LOC400499: variants seen among roughly 807,000 people sequenced by gnomAD.
chr16:11,427,934 G>A, the LOC400499 span, among the ~76,000 whole-genome samples: 1 of 152,120 alleles, frequency 6.6e-6, no homozygotes, highest in Non-Finnish European at 1.5e-5. Context: ...CAGCATAGAT[G>A]GATGTGTTAC....
At chr16:11,463,655 A>C in the LOC400499 span, among the ~76,000 whole-genome samples, 1 of 152,166 alleles carries the variant, frequency 6.6e-6, no homozygotes, top group Non-Finnish European at 1.5e-5. Context: ...GATTGTGTGA[A>C]TATGGATGTG....
chr16:11,399,585 C>T, the LOC400499 span: 37 of 398,746 alleles, frequency 9.3e-5, no homozygotes, highest in South Asian at 3.8e-3. Flanking sequence ...CTGTTCAGGC[C>T]CCAGGTTTCC....
the LOC400499 span, among the ~76,000 whole-genome samples, chr16:11,452,492 G>A: frequency 1.3e-4 from 20 of 152,160 alleles, no homozygotes; most frequent in Non-Finnish European, 2.6e-4. Context: ...CTGGGTACCC[G>A]AGGATCCTGC....
chr16:11,471,716 G>A, the LOC400499 span: 11 of 399,140 alleles, frequency 2.8e-5, no homozygotes, highest in African/African-American at 4.1e-5. Flanking sequence ...TCCCGTTTCT[G>A]CAGCGTCACG....
At chr16:11,425,482 G>T in the LOC400499 span, 1 of 399,028 alleles carries the variant, frequency 2.5e-6, no homozygotes, top group Non-Finnish European at 4.4e-6. Context: ...TCAGGGAAAT[G>T]AGCTGCTTTG....
the LOC400499 span, among the ~76,000 whole-genome samples, chr16:11,422,090 C>T: frequency 6.6e-6 from 1 of 152,204 alleles, no homozygotes; most frequent in African/African-American, 2.4e-5. Flanking sequence ...ACCCAATGCA[C>T]ACAGGTTTAT....
chr16:11,509,569 G>A, the LOC400499 span, among the ~76,000 whole-genome samples: 1 of 150,968 alleles, frequency 6.6e-6, no homozygotes, highest in Non-Finnish European at 1.5e-5. Flanking sequence ...AGAGGCTCAT[G>A]CCTGTAATCC....
At chr16:11,380,706 A>AAAAT in the LOC400499 span, among the ~76,000 whole-genome samples, 3 of 151,810 alleles carry the variant, frequency 2.0e-5, no homozygotes, top group East Asian at 5.8e-4. Flanking sequence ...TTGATTTAAA[A>AAAAT]AAATAAACCC....
the LOC400499 span, among the ~76,000 whole-genome samples, chr16:11,490,269 A>C: frequency 2.6e-5 from 4 of 152,068 alleles, no homozygotes; most frequent in East Asian, 1.9e-4. Flanking sequence ...GGTGGTGTGC[A>C]GCTGTAATCC....
At chr16:11,460,583 C>T in the LOC400499 span, 3 of 1,534,830 alleles carry the variant, frequency 2.0e-6, no homozygotes, top group South Asian at 1.2e-5. Context: ...GCTGGTGCTG[C>T]ACTCGTGTGC....
chr16:11,443,605 G>A, the LOC400499 span: 1 of 284,822 alleles, frequency 3.5e-6, no homozygotes, highest in Non-Finnish European at 6.9e-6. Context: ...AGAGGTGTCA[G>A]GAAGAAGACC....
the LOC400499 span, chr16:11,478,721 G>A: frequency 2.5e-6 from 1 of 399,044 alleles, no homozygotes; most frequent in Non-Finnish European, 4.4e-6. Context: ...AAAGAACACA[G>A]TCAGGGTTAG....
the LOC400499 span, among the ~76,000 whole-genome samples, chr16:11,496,655 C>T: frequency 6.6e-6 from 1 of 152,052 alleles, no homozygotes; most frequent in Non-Finnish European, 1.5e-5. Flanking sequence ...TGCATGTGCC[C>T]ATGCGTCCAG....
At chr16:11,483,506 G>T in the LOC400499 span, among the ~76,000 whole-genome samples, 1 of 152,018 alleles carries the variant, frequency 6.6e-6, no homozygotes, top group African/African-American at 2.4e-5. Flanking sequence ...CTATAGCATG[G>T]GTGAGTCTCA....
At chr16:11,474,236 C>G in the LOC400499 span, among the ~76,000 whole-genome samples, 12 of 152,290 alleles carry the variant, frequency 7.9e-5, no homozygotes, top group Admixed American at 7.8e-4. Flanking sequence ...GACAAAGTGG[C>G]TACAGGTGAT....
the LOC400499 span, among the ~76,000 whole-genome samples, chr16:11,521,118 A>C: frequency 4.4e-3 from 672 of 152,336 alleles, 11 homozygotes; most frequent in African/African-American, 0.015. Flanking sequence ...CACTTTAAGA[A>C]TTCAGAGGCA....
chr16:11,472,194 C>CTTT, the LOC400499 span: 1 of 143,924 alleles, frequency 6.9e-6, no homozygotes, highest in Non-Finnish European at 1.5e-5. Flanking sequence ...TAGACTTTTT[C>CTTT]TTTTTTTTTT....
At chr16:11,493,241 G>A in the LOC400499 span, among the ~76,000 whole-genome samples, 4,110 of 152,316 alleles carry the variant, frequency 0.027, 115 homozygotes, top group East Asian at 0.16. Context: ...GACTCTGCAG[G>A]CCATGCGGTC....
At chr16:11,508,130 G>A in the LOC400499 span, among the ~76,000 whole-genome samples, 1 of 152,066 alleles carries the variant, frequency 6.6e-6, no homozygotes, top group Non-Finnish European at 1.5e-5. Flanking sequence ...CCTCCCCCAG[G>A]GACTGTGCCA....
Sources: allele counts gnomAD v4.1 joint callset (sites outside exome capture counted in the v4.1 genomes callset), GRCh38; gene constraint gnomAD v4.1.1; transcripts MANE v1.5.